Variants in TBCK observed in about 807,000 individuals in gnomAD.
TBCK encodes the protein TBC1 domain containing kinase.
Under a neutral mutation model 113.4 loss-of-function variants are expected in TBCK, and 99 were observed. The ratio of observed to expected loss-of-function variants is 0.87; its 90% CI spans 0.74 to 1.03. The LOEUF (loss-of-function observed/expected upper bound fraction) is 1.03. Among genes scored for constraint, TBCK ranks in the 50% least tolerant of loss-of-function variants. The pLI is 0.00. For missense variants in TBCK, 1,045 were observed against 1,061.3 expected (o/e 0.98, Z 0.21); for synonymous variants, 369 against 370.8 (o/e 1.00, Z 0.05).
At chr4:106,076,363 G>A (rs1339803601) in intron 25 of TBCK, among the ~76,000 whole-genome samples, 1 of 152,156 alleles carries the variant, frequency 6.6e-6, no homozygotes, top group Non-Finnish European at 1.5e-5. Flanking sequence ...ATTTTTCACT[G>A]GAATGACATA....
intron 24 of TBCK, among the ~76,000 whole-genome samples, chr4:106,098,184 A>G (rs930356598): frequency 1.3e-5 from 2 of 152,072 alleles, no homozygotes; most frequent in Admixed American, 6.6e-5. Context: ...AATCCTCTAC[A>G]CTAATGTTTT....
chr4:106,068,481 T>C (rs1237897056), intron 25 of TBCK, among the ~76,000 whole-genome samples: 2 of 152,212 alleles, frequency 1.3e-5, no homozygotes, highest in African/African-American at 4.8e-5. Flanking sequence ...CATGAACTCA[T>C]CCTTTTTTAT....
chr4:106,044,702 T>G lies in TBCK; in HGVS notation c.*1868A>C, dbSNP rs2149436499. 1 of 152,322 alleles carries G rather than the reference T, an allele frequency of 6.6e-6. No individual in the cohort carries two copies. Among genetic ancestry groups the G allele is most frequent in the Non-Finnish European group, 1.5e-5 (1 of 68,038 alleles). 9.4% of individuals were successfully genotyped at this position (152,322 alleles called of 1,614,324 possible). The stretch of plus-strand genomic sequence containing the variant: ...TAGACAATTGCATACAATGAAAGTA[T>G]TCTGGATAATACTGATTGCACAACT... On this transcript the variant is annotated 3_prime_UTR_variant, in exon 26 of 26. Coordinates refer to ENST00000394708, the MANE Select transcript of TBCK (RefSeq NM_001163435.3).
chr4:106,262,726 A>G (rs1441021505), intron 3 of TBCK, among the ~76,000 whole-genome samples: 1 of 151,870 alleles, frequency 6.6e-6, no homozygotes, highest in East Asian at 1.9e-4. Flanking sequence ...TTTCTCTTTA[A>G]TTCTTATCCT....
chr4:106,250,895 G>C (rs1761354788), intron 6 of TBCK, among the ~76,000 whole-genome samples: 1 of 151,858 alleles, frequency 6.6e-6, no homozygotes. Context: ...CGGTTAGTCT[G>C]TTTCTCCATT....
At chr4:106,133,435 T>C (rs760020728) in intron 23 of TBCK, among the ~76,000 whole-genome samples, 3 of 152,212 alleles carry the variant, frequency 2.0e-5, no homozygotes, top group Admixed American at 1.3e-4. Context: ...GTCTTGGGTA[T>C]ATCTTTATTA....
chr4:106,096,246 T>G (rs756859740), intron 24 of TBCK, among the ~76,000 whole-genome samples: 6 of 152,234 alleles, frequency 3.9e-5, no homozygotes, highest in South Asian at 2.1e-4. Context: ...GCAGTTTTCC[T>G]GAAGAGTAAT....
rs181341785 is a variant in TBCK, at chr4:106,131,662, G to T, written c.2236-15284C>A. On this transcript the variant is annotated intron_variant, in intron 23 of 25. Coordinates refer to ENST00000394708, the MANE Select transcript of TBCK (RefSeq NM_001163435.3). The stretch of plus-strand genomic sequence containing the variant: ...AGCAAATTGGTACCAGTAGAGTGTG[G>T]TGCTGCTGTAAAGATGCCCAAAAAT... 3.1e-4 allele frequency among the ~76,000 whole-genome samples: 47 copies of T among 152,270 alleles called. 1 individual carries two copies. Among genetic ancestry groups the T allele is most frequent in the Admixed American group, 3.9e-4 (6 of 15,302 alleles).
At chr4:106,212,718 C>A in intron 20 of TBCK, 32 bp downstream of exon 20, 3 of 1,435,006 alleles carry the variant, frequency 2.1e-6, no homozygotes, top group South Asian at 1.2e-5. Flanking sequence ...TTTTTTTTAA[C>A]CACATGTTCT....
chr4:106,046,683 G>A lies in TBCK; in HGVS notation c.2572-3C>T, dbSNP rs763645655. On this transcript the variant is annotated splice_region_variant and splice_polypyrimidine_tract_variant and intron_variant, in intron 25 of 25. Coordinates refer to ENST00000394708, the MANE Select transcript of TBCK (RefSeq NM_001163435.3). ...ATCTTCACAAGGTGAGCTGCAAACT[G>A]GAAAAAAAAAGAGGCAAAATTTTTA... 9.6e-6 allele frequency: 15 copies of A among 1,567,916 alleles called. No homozygotes were observed. The highest frequency in any genetic ancestry group is 5.8e-5 in the South Asian group (5 of 86,844).
At chr4:106,213,726 G>A (rs1354588714) in intron 19 of TBCK, 1 of 156,114 alleles carries the variant, frequency 6.4e-6, no homozygotes, top group African/African-American at 2.4e-5. Flanking sequence ...CTACCCCACG[G>A]AGTCTCCCTG....
At chr4:106,089,719 A>C (rs1263082699) in intron 25 of TBCK, among the ~76,000 whole-genome samples, 1 of 152,248 alleles carries the variant, frequency 6.6e-6, no homozygotes, top group Non-Finnish European at 1.5e-5. Flanking sequence ...CAATACGCCC[A>C]CACAAGTCTG....
At chr4:106,090,033 C>T (rs115727783) in intron 25 of TBCK, among the ~76,000 whole-genome samples, 46 of 152,358 alleles carry the variant, frequency 3.0e-4, no homozygotes, top group African/African-American at 1.1e-3. Flanking sequence ...AGGGGCTCCA[C>T]TCTACGTTTC....
intron 2 of TBCK, among the ~76,000 whole-genome samples, chr4:106,302,069 A>G (rs922544511): frequency 6.6e-6 from 1 of 152,206 alleles, no homozygotes; most frequent in African/African-American, 2.4e-5. Context: ...AACTTTTCAG[A>G]ATGCTAAACA....
intron 3 of TBCK, among the ~76,000 whole-genome samples, chr4:106,275,464 G>T (rs1030308997): frequency 6.6e-6 from 1 of 151,858 alleles, no homozygotes; most frequent in Non-Finnish European, 1.5e-5. Flanking sequence ...AGCCATAAAG[G>T]TTAAAAAAGA....
chr4:106,063,231 C>T (rs768415326), intron 25 of TBCK, among the ~76,000 whole-genome samples: 1 of 152,074 alleles, frequency 6.6e-6, no homozygotes, highest in East Asian at 1.9e-4. Context: ...CCAAGTTTAA[C>T]CATAGCCAGT....
chr4:106,070,591 T>C (rs773421774), intron 25 of TBCK, among the ~76,000 whole-genome samples: 3 of 152,044 alleles, frequency 2.0e-5, no homozygotes, highest in Non-Finnish European at 2.9e-5. Context: ...TGGATATTGG[T>C]CTAAAATTCT....
At chr4:106,214,051 TCCCTGAC>T (rs1756532341) in intron 19 of TBCK, among the ~76,000 whole-genome samples, 3 of 152,020 alleles carry the variant, frequency 2.0e-5, no homozygotes, top group Non-Finnish European at 2.9e-5. Flanking sequence ...CTCAAGTGGG[TCCCTGAC>T]CCCTGACCCC....
At position 106,247,173 on chromosome 4, in the gene TBCK, TA is replaced by T. The variant is rs1560902272; in HGVS notation, c.896del (p.Leu299Ter). 1 of 1,613,514 alleles carries T rather than the reference TA, an allele frequency of 6.2e-7. No individual in the cohort carries two copies. The highest frequency in any genetic ancestry group is 2.2e-5 in the East Asian group (1 of 44,826). ...LFSSSLRCAD[L>X]TLPEDISQLC... Reference sequence around the variant, plus strand: ...ACTGACTGATATCCTCAGGCAGAGTTAAATCAGCACATCTCAGAGAAGATGA... The same window carrying T: ...ACTGACTGATATCCTCAGGCAGAGTTAATCAGCACATCTCAGAGAAGATGA... On this transcript the variant is annotated frameshift_variant, in exon 10 of 26. Coordinates refer to ENST00000394708, the MANE Select transcript of TBCK (RefSeq NM_001163435.3). LOFTEE classifies it high-confidence loss of function.
Sources: gnomAD v4.1 joint callset for allele counts (sites outside exome capture counted in the v4.1 genomes callset) on GRCh38, gnomAD v4.1.1 for gene constraint, MANE v1.5 for transcripts, NCBI Gene and HGNC (gene_info 2026-07-23, HGNC 2026-07-21) for gene names.